Variants in ESYT3 observed in about 807,000 individuals in gnomAD.
ESYT3 encodes the protein extended synaptotagmin 3.
ESYT3 carries 101 observed loss-of-function variants against 111.5 expected under a neutral mutation model. That is an observed-to-expected ratio of 0.91 (90% CI 0.77 to 1.07). The LOEUF is 1.07. Ranked by LOEUF, ESYT3 falls within the 50% of genes least tolerant of loss-of-function variation. ESYT3 has a pLI of 0.00. For missense variants in ESYT3, 1,097 were observed against 1,109.4 expected (o/e 0.99, Z 0.16); for synonymous variants, 416 against 446.8 (o/e 0.93, Z 0.87).
chr3:138,449,373 AT>A (rs985745168), intron 1 of ESYT3, among the ~76,000 whole-genome samples: 3 of 152,156 alleles, frequency 2.0e-5, no homozygotes, highest in African/African-American at 7.2e-5. Flanking sequence ...GGCATGAGAC[AT>A]AGTTCCCGGC....
chr3:138,434,867 C>G lies in ESYT3; in HGVS notation c.69C>G (p.Pro23=), dbSNP rs779360253. 4.2e-5 allele frequency: 65 copies of G among 1,549,608 alleles called. No individual in the cohort carries two copies. The South Asian group carries it at 5.0e-4, about 12-fold the overall frequency. The part of the protein sequence containing the change: ...SALGAQRTPG[P]ELRLSSQLLP... ...TGGGAGCCCAGCGCACGCCGGGCCC[C>G]GAGCTGCGCCTGTCCAGCCAGCTGC... Residue 23 remains proline (P), a synonymous_variant, in exon 1 of 23, where the codon CCC becomes CCG. Coordinates refer to ENST00000389567, the MANE Select transcript of ESYT3 (RefSeq NM_031913.5).
chr3:138,457,566 A>C lies in ESYT3; in HGVS notation c.505-2A>C. 1 of 1,614,120 alleles carries C rather than the reference A, an allele frequency of 6.2e-7. No homozygotes were observed. ...ACCTAGCCCTTTTGGCATTTCTTCC[A>C]GTGTCCCAGGGTCAACGGTGTCAAG... On this transcript the variant is annotated splice_acceptor_variant, in intron 3 of 22. Transcript: ENST00000389567. LOFTEE classifies it high-confidence loss of function.
intron 1 of ESYT3, among the ~76,000 whole-genome samples, chr3:138,444,762 C>G (rs2031413072): frequency 6.6e-6 from 1 of 152,212 alleles, no homozygotes; most frequent in African/African-American, 2.4e-5. Context: ...TGGCTCTGGC[C>G]TCCCCTTGCT....
intron 1 of ESYT3, among the ~76,000 whole-genome samples, chr3:138,449,633 C>G (rs1345599561): frequency 6.6e-6 from 1 of 152,142 alleles, no homozygotes; most frequent in Non-Finnish European, 1.5e-5. Flanking sequence ...GTCGAGAGAT[C>G]AGAACTACTC....
Position 138,434,681 on chromosome 3 carries a change from G to C in ESYT3, c.-118G>C. On this transcript the variant is annotated 5_prime_UTR_variant, in exon 1 of 23. Coordinates refer to ENST00000389567, the MANE Select transcript of ESYT3 (RefSeq NM_031913.5). ...CTCGGCGCGCCGAGAGTCCCAGCAG[G>C]GCAAGGGGGCGCGGCGTCCTGGTCC... The C allele has an allele frequency of 1.1e-6, 1 of 950,958 alleles. No individual in the cohort carries two copies. The highest frequency in any genetic ancestry group is 1.5e-6 in the Non-Finnish European group (1 of 663,796). 58.9% of individuals were successfully genotyped at this position (950,958 alleles called of 1,614,324 possible). A position where few individuals can be genotyped will look rare whatever the true frequency, so the allele number is the denominator to read the frequency against.
intron 2 of ESYT3, among the ~76,000 whole-genome samples, chr3:138,453,546 C>T (rs59086521): frequency 0.038 from 5,723 of 152,218 alleles, 341 homozygotes; most frequent in African/African-American, 0.13. Context: ...TAGGCTCCTC[C>T]AATGATGGCT....
intron 1 of ESYT3, among the ~76,000 whole-genome samples, chr3:138,439,536 G>A (rs1163499916): frequency 6.6e-6 from 1 of 152,192 alleles, no homozygotes; most frequent in Non-Finnish European, 1.5e-5. Flanking sequence ...TCCCTTGGTA[G>A]GGGCCCCTGC....
At chr3:138,471,264 T>A (rs547412715) in intron 17 of ESYT3, among the ~76,000 whole-genome samples, 2 of 152,360 alleles carry the variant, frequency 1.3e-5, no homozygotes, top group East Asian at 3.9e-4. Flanking sequence ...GAATTTTCTA[T>A]AATGTACCTT....
chr3:138,464,482 G>A lies in ESYT3; in HGVS notation c.1053G>A (p.Arg351=). The change falls in exon 9 of 23, where the codon AGG becomes AGA. Residue 351 remains arginine, a synonymous_variant. Transcript: ENST00000389567. ...LQHFRSRTIY[R]NLNPTWNEVF... is the part of the protein sequence containing the mutation. The stretch of plus-strand genomic sequence containing the variant: ...ATTTCCGGAGTAGGACCATCTACAG[G>A]AACCTGAACCCCACCTGGAACGAAG... The A allele has an allele frequency of 6.2e-7, 1 of 1,614,108 alleles. No individual in the cohort carries two copies. The highest frequency in any genetic ancestry group is 8.5e-7 in the Non-Finnish European group (1 of 1,180,016).
chr3:138,469,363 G>T, intron 14 of ESYT3, 73 bp from the exon 15 acceptor site: 1 of 1,346,794 alleles, frequency 7.4e-7, no homozygotes, highest in Non-Finnish European at 1.1e-6. Context: ...TGCTCCTGGG[G>T]GTTGGGGGTA....
chr3:138,440,785 T>C lies in ESYT3; in HGVS notation c.327+5660T>C, dbSNP rs1379532431. Among the ~76,000 whole-genome samples the C allele has an allele frequency of 6.6e-6, 1 of 152,146 alleles. No homozygotes were observed. The highest frequency in any genetic ancestry group is 2.4e-5 in the African/African-American group (1 of 41,438). On this transcript the variant is annotated intron_variant, in intron 1 of 22. Transcript: ENST00000389567. This position sits in a 1 kb window ranked among gnomAD's most constrained non-coding sequence, Gnocchi z 4.2. Reference sequence around the variant, plus strand: ...ATGAGTGACAGAGTATGGGCCCTCTTTCCTCCAAGCCCAACAGAGGGATCT... The same window carrying C: ...ATGAGTGACAGAGTATGGGCCCTCTCTCCTCCAAGCCCAACAGAGGGATCT...
intron 1 of ESYT3, among the ~76,000 whole-genome samples, chr3:138,444,730 T>C: frequency 6.6e-6 from 1 of 152,176 alleles, no homozygotes; most frequent in Non-Finnish European, 1.5e-5. Context: ...AGGGAAATCA[T>C]AATATTCTGT....
At chr3:138,473,032 A>G (rs906035006) in intron 18 of ESYT3, 173 bp downstream of exon 18, 39 of 1,457,984 alleles carry the variant, frequency 2.7e-5, no homozygotes, top group Non-Finnish European at 3.4e-5. Flanking sequence ...AGAGAGAGCC[A>G]AACAGGCTGT....
At chr3:138,468,049 G>A in intron 11 of ESYT3, 56 bp from the exon 12 acceptor site, 1 of 1,525,384 alleles carries the variant, frequency 6.6e-7, no homozygotes, top group Non-Finnish European at 9.1e-7. Context: ...TGCCCAGAGA[G>A]CATCAGTAGC....
chr3:138,471,453 A>G (rs115606641), intron 17 of ESYT3, among the ~76,000 whole-genome samples: 252 of 152,028 alleles, frequency 1.7e-3, no homozygotes, highest in African/African-American at 5.7e-3. Context: ...TTCTATTTTT[A>G]TCTTTTCCAA....
downstream of ESYT3, chr3:138,480,086 A>G (rs960228529): frequency 2.4e-4 from 37 of 152,348 alleles, no homozygotes; most frequent in Admixed American, 5.2e-4. Flanking sequence ...AGAAAAGGTT[A>G]TAAAGAAAAA....
At chr3:138,438,290 G>A (rs1174298906) in intron 1 of ESYT3, among the ~76,000 whole-genome samples, 1 of 152,170 alleles carries the variant, frequency 6.6e-6, no homozygotes, top group African/African-American at 2.4e-5. Flanking sequence ...TCAGTAGTTG[G>A]GGGACTGAAG....
At chr3:138,465,087 A>G (rs1299834633) in intron 9 of ESYT3, among the ~76,000 whole-genome samples, 1 of 152,206 alleles carries the variant, frequency 6.6e-6, no homozygotes, top group Non-Finnish European at 1.5e-5. Flanking sequence ...TGCTCAGGAC[A>G]CCGCATGGCC....
intron 5 of ESYT3, 128 bp from the exon 6 acceptor site, chr3:138,459,817 G>A: frequency 2.7e-6 from 2 of 728,722 alleles, no homozygotes; most frequent in Non-Finnish European, 4.6e-6. Context: ...AGGCAGCTTG[G>A]GGCAGGTGGC....
Sources: gnomAD v4.1 joint callset for allele counts (sites outside exome capture counted in the v4.1 genomes callset) on GRCh38, gnomAD v4.1.1 for gene constraint, Gnocchi (gnomAD v3.1) non-coding constraint, MANE v1.5 for transcripts, NCBI Gene and HGNC (gene_info 2026-07-23, HGNC 2026-07-21) for gene names.